The following RCAN1 variants were observed in gnomAD, a reference collection of about 807,000 sequenced individuals.
RCAN1 encodes calcipressin-1.
A neutral mutation model predicts 22.9 loss-of-function variants in RCAN1; 11 were observed. The observed-to-expected ratio is 0.48, with a 90% CI of 0.30 to 0.79. RCAN1 has a LOEUF of 0.79. RCAN1 is among the 30% of genes least tolerant of loss of function. The pLI is 0.06. For synonymous variants in RCAN1, 136 were observed against 142.3 expected, an observed-to-expected ratio of 0.96 and a Z score of 0.32; for missense variants, 291 against 337.8, an observed-to-expected ratio of 0.86 and a Z score of 1.09.
chr21:34,538,716 C>T (rs530823343), intron 1 of RCAN1, among the ~76,000 whole-genome samples: 2 of 151,830 alleles, frequency 1.3e-5, no homozygotes, highest in Admixed American at 1.3e-4. Flanking sequence ...GGCCTTGATA[C>T]CCCCACGTTG....
chr21:34,567,727 T>C lies in RCAN1; in HGVS notation c.253-44017A>G, dbSNP rs190862792. ...ACTGACTGGGAAGGTGCCAAGGTTC[T>C]ACCTACACCTAAGAAGTCCCTAGCA... is the stretch of plus-strand genomic sequence containing the variant. On this transcript the variant is annotated intron_variant, in intron 1 of 3. Transcript: ENST00000313806. Among the ~76,000 whole-genome samples the C allele has an allele frequency of 2.8e-3, 428 of 152,294 alleles. 1 individual carries two copies. Among genetic ancestry groups the C allele is most frequent in the African/African-American group, 9.4e-3 (389 of 41,546 alleles).
intron 1 of RCAN1, among the ~76,000 whole-genome samples, chr21:34,601,084 T>A (rs955776666): frequency 6.6e-6 from 1 of 152,234 alleles, no homozygotes; most frequent in Admixed American, 6.5e-5. Flanking sequence ...TTTAATGGAC[T>A]TAACAATATT....
chr21:34,560,988 T>C (rs1986769724), intron 1 of RCAN1, among the ~76,000 whole-genome samples: 1 of 152,162 alleles, frequency 6.6e-6, no homozygotes, highest in African/African-American at 2.4e-5. Context: ...GGTAATTGGA[T>C]CATGGGGGTG....
At chr21:34,528,918 C>T (rs1367954709) in intron 1 of RCAN1, among the ~76,000 whole-genome samples, 2 of 151,004 alleles carry the variant, frequency 1.3e-5, no homozygotes, top group African/African-American at 4.9e-5. Flanking sequence ...AGTGTGGGCT[C>T]ACCCGAATAT....
rs769493070 is a variant in RCAN1 at position 34,525,343 on chromosome 21, G to A, written c.253-1633C>T. 3 of 1,498,672 alleles carry A rather than the reference G, an allele frequency of 2.0e-6. 1 individual carries two copies. Among genetic ancestry groups the A allele is most frequent in the South Asian group, 2.6e-5 (2 of 76,800 alleles). 92.8% of individuals were successfully genotyped at this position (1,498,672 alleles called of 1,614,324 possible). Reference sequence around the variant, plus strand: ...TTTTCTTCAGTTTAGGGACATTTCTGAGACTTTCCCACGAGGGATCCCGCA... The same window carrying A: ...TTTTCTTCAGTTTAGGGACATTTCTAAGACTTTCCCACGAGGGATCCCGCA... On this transcript the variant is annotated intron_variant, in intron 1 of 3. Transcript: ENST00000313806.
intron 1 of RCAN1, among the ~76,000 whole-genome samples, chr21:34,608,368 G>T (rs550546680): frequency 6.6e-6 from 1 of 152,036 alleles, no homozygotes; most frequent in Non-Finnish European, 1.5e-5. Flanking sequence ...TGCACTTACC[G>T]ACTCGCTTCT....
chr21:34,595,636 T>C (rs1988123427), intron 1 of RCAN1, among the ~76,000 whole-genome samples: 1 of 152,198 alleles, frequency 6.6e-6, no homozygotes, highest in African/African-American at 2.4e-5. Context: ...TCTGCTCAGG[T>C]TCCCAGGAAG....
chr21:34,563,140 C>T (rs940094609), intron 1 of RCAN1, among the ~76,000 whole-genome samples: 2 of 152,174 alleles, frequency 1.3e-5, no homozygotes, highest in African/African-American at 4.8e-5. Context: ...TTAGAACTAA[C>T]ATCTAAAGCA....
intron 1 of RCAN1, among the ~76,000 whole-genome samples, chr21:34,573,918 A>G (rs887652002): frequency 7.9e-5 from 12 of 152,250 alleles, no homozygotes; most frequent in African/African-American, 2.7e-4. Context: ...TCATGAAAAC[A>G]TATAAAGGAG....
intron 1 of RCAN1, among the ~76,000 whole-genome samples, chr21:34,599,547 T>A (rs1323253386): frequency 1.3e-5 from 2 of 152,224 alleles, no homozygotes; most frequent in African/African-American, 4.8e-5. Flanking sequence ...AAATATAGTA[T>A]GCAATCTAAT....
chr21:34,551,050 C>T (rs116636858), intron 1 of RCAN1, among the ~76,000 whole-genome samples: 3 of 152,176 alleles, frequency 2.0e-5, no homozygotes, highest in Non-Finnish European at 2.9e-5. Flanking sequence ...TCTATGACAA[C>T]GATTAAACTC....
intron 1 of RCAN1, among the ~76,000 whole-genome samples, chr21:34,611,638 C>T (rs1601229069): frequency 6.6e-6 from 1 of 152,122 alleles, no homozygotes; most frequent in East Asian, 1.9e-4. Flanking sequence ...ACGGCCAGAC[C>T]CCCAGGGACT....
intron 1 of RCAN1, among the ~76,000 whole-genome samples, chr21:34,583,203 A>G (rs893533147): frequency 1.5e-5 from 2 of 132,390 alleles, no homozygotes; most frequent in Non-Finnish European, 1.6e-5. Flanking sequence ...TTTTTGAGAC[A>G]GTTTCACTCT....
chr21:34,532,901 C>T (rs558789149), intron 1 of RCAN1, among the ~76,000 whole-genome samples: 1 of 152,158 alleles, frequency 6.6e-6, no homozygotes, highest in East Asian at 1.9e-4. Context: ...CCTTATCAGT[C>T]TCATTTAAAC....
At chr21:34,521,225 C>T in intron 3 of RCAN1, 1 of 1,422,338 alleles carries the variant, frequency 7.0e-7, no homozygotes, top group Non-Finnish European at 9.2e-7. Context: ...GCTCAGTGGA[C>T]ACAGGAATGG....
chr21:34,531,465 G>A (rs561308136), intron 1 of RCAN1, among the ~76,000 whole-genome samples: 5 of 152,296 alleles, frequency 3.3e-5, no homozygotes, highest in East Asian at 1.9e-4. Context: ...ATCCTTCACC[G>A]TGCATAGTGC....
chr21:34,532,429 C>A (rs1985442070), intron 1 of RCAN1, among the ~76,000 whole-genome samples: 1 of 152,214 alleles, frequency 6.6e-6, no homozygotes, highest in South Asian at 2.1e-4. Flanking sequence ...ACGTCTGTCT[C>A]CAGCACCGTG....
At chr21:34,589,394 A>G (rs1987899980) in intron 1 of RCAN1, among the ~76,000 whole-genome samples, 1 of 152,228 alleles carries the variant, frequency 6.6e-6, no homozygotes, top group Admixed American at 6.5e-5. Flanking sequence ...TACTATCTTT[A>G]CAGGATTGGT....
intron 1 of RCAN1, among the ~76,000 whole-genome samples, chr21:34,579,004 CA>C (rs1987511457): frequency 6.6e-6 from 1 of 151,648 alleles, no homozygotes; most frequent in South Asian, 2.1e-4. Context: ...AACAAGCCAA[CA>C]AAAAAAAGGA....
Sources: gnomAD v4.1 joint callset for allele counts (sites outside exome capture counted in the v4.1 genomes callset) on GRCh38, gnomAD v4.1.1 for gene constraint, MANE v1.5 for transcripts, NCBI Gene and HGNC (gene_info 2026-07-23, HGNC 2026-07-21) for gene names.